DGKB: variants seen among roughly 807,000 people sequenced by gnomAD.
DGKB encodes the protein 90 kDa diacylglycerol kinase.
DGKB carries 67 observed loss-of-function variants against 114.3 expected under a neutral mutation model. That is an observed-to-expected ratio of 0.59 (90% CI 0.48 to 0.72). The LOEUF (loss-of-function observed/expected upper bound fraction) is 0.72, where lower values mean the gene tolerates loss of function less well. Among genes scored for constraint, DGKB ranks in the 30% least tolerant of loss-of-function variants. DGKB has a pLI of 0.00. For missense variants in DGKB, 907 were observed against 975.2 expected (o/e 0.93, Z 0.93); for synonymous variants, 398 against 323.1 (o/e 1.23, Z -2.49).
chr7:14,267,479 C>CT (rs59950485), intron 23 of DGKB, among the ~76,000 whole-genome samples: 19 of 143,656 alleles, frequency 1.3e-4, no homozygotes, highest in South Asian at 2.2e-4. Context: ...TTTTTTTTTT[C>CT]TTTTTTTTTT....
intron 1 of DGKB, among the ~76,000 whole-genome samples, chr7:14,900,828 T>C (rs149304549): frequency 6.6e-6 from 1 of 152,270 alleles, no homozygotes; most frequent in African/African-American, 2.4e-5. Context: ...TTTTGTCAAA[T>C]TTTTATCAGT....
intron 4 of DGKB, among the ~76,000 whole-genome samples, chr7:14,748,840 C>T (rs1833733498): frequency 6.6e-6 from 1 of 152,086 alleles, no homozygotes. Flanking sequence ...TCCTAAAACA[C>T]AAAAATGAAT....
At chr7:14,965,661 G>A (rs1787107329) in intron 1 of DGKB, among the ~76,000 whole-genome samples, 1 of 152,046 alleles carries the variant, frequency 6.6e-6, no homozygotes, top group Non-Finnish European at 1.5e-5. Flanking sequence ...ACACAGAAAT[G>A]AAATAGAACT....
intron 1 of DGKB, among the ~76,000 whole-genome samples, chr7:14,897,102 A>G (rs148248355): frequency 1.4e-3 from 214 of 151,954 alleles, no homozygotes; most frequent in Middle Eastern, 6.8e-3. Context: ...TTGATAACTG[A>G]TTCATGTGGA....
chr7:14,775,810 A>G (rs1336596435), intron 2 of DGKB, among the ~76,000 whole-genome samples: 5 of 152,030 alleles, frequency 3.3e-5, no homozygotes, highest in Admixed American at 2.6e-4. Flanking sequence ...TTCTATTAGT[A>G]GTGTGAGAAT....
chr7:14,292,228 T>C (rs545615938), intron 23 of DGKB, among the ~76,000 whole-genome samples: 1 of 152,254 alleles, frequency 6.6e-6, no homozygotes, highest in Non-Finnish European at 1.5e-5. Flanking sequence ...CATTTACGCG[T>C]TTTCATCTAT....
intron 23 of DGKB, among the ~76,000 whole-genome samples, chr7:14,244,351 A>G (rs38291): frequency 0.81 from 122,910 of 151,962 alleles, 50,343 homozygotes; most frequent in African/African-American, 0.94. Context: ...CCTGATCCTC[A>G]ACGTGATATT....
chr7:14,973,373 G>A (rs897049180), intron 1 of DGKB, among the ~76,000 whole-genome samples: 1 of 151,472 alleles, frequency 6.6e-6, no homozygotes, highest in African/African-American at 2.4e-5. Flanking sequence ...ATACTGTTTA[G>A]TTAAAATTAA....
At chr7:14,383,725 A>G (rs1465915082) in intron 21 of DGKB, among the ~76,000 whole-genome samples, 1 of 152,208 alleles carries the variant, frequency 6.6e-6, no homozygotes, top group Admixed American at 6.5e-5. Context: ...CTCACACAAT[A>G]TTTTTGCATA....
chr7:14,165,864 T>A (rs1386523190), intron 25 of DGKB, among the ~76,000 whole-genome samples: 1 of 152,312 alleles, frequency 6.6e-6, no homozygotes, highest in Admixed American at 6.5e-5. Context: ...GGAGTCTCAT[T>A]GGACTACTGT....
At chr7:14,278,555 G>C (rs1187556182) in intron 23 of DGKB, among the ~76,000 whole-genome samples, 1 of 151,984 alleles carries the variant, frequency 6.6e-6, no homozygotes, top group Non-Finnish European at 1.5e-5. Flanking sequence ...TAAAACATGG[G>C]GAAAATGTTC....
chr7:14,947,185 T>C (rs1461028915), intron 1 of DGKB, among the ~76,000 whole-genome samples: 3 of 151,718 alleles, frequency 2.0e-5, no homozygotes, highest in African/African-American at 4.8e-5. Flanking sequence ...AGTATCTTTA[T>C]AATGTTTCAG....
At chr7:14,929,946 C>A (rs1159334630) in intron 1 of DGKB, among the ~76,000 whole-genome samples, 1 of 152,116 alleles carries the variant, frequency 6.6e-6, no homozygotes, top group African/African-American at 2.4e-5. Flanking sequence ...TTACAGCAAT[C>A]CAATTTTTCC....
intron 6 of DGKB, among the ~76,000 whole-genome samples, chr7:14,707,044 G>A (rs920501237): frequency 4.0e-5 from 6 of 150,178 alleles, no homozygotes; most frequent in Admixed American, 3.3e-4. Flanking sequence ...TTTTTGAAAG[G>A]ATCAACAAAA....
chr7:14,824,137 C>T (rs2128107295), intron 2 of DGKB, among the ~76,000 whole-genome samples: 1 of 151,986 alleles, frequency 6.6e-6, no homozygotes, highest in South Asian at 2.1e-4. Flanking sequence ...CAGGAAAGAC[C>T]CACCCCCCAT....
intron 5 of DGKB, among the ~76,000 whole-genome samples, chr7:14,720,573 G>A (rs2128356603): frequency 6.6e-6 from 1 of 151,550 alleles, no homozygotes; most frequent in African/African-American, 2.4e-5. Flanking sequence ...TCGAATTCCT[G>A]ACCTCATGAT....
rs1011370944 is a variant in DGKB, at chr7:14,537,331, A to C, written c.1770+36881T>G. Among the ~76,000 whole-genome samples the C allele has an allele frequency of 3.9e-5, 6 of 152,170 alleles. No homozygotes were observed. The East Asian group carries it at 1.2e-3, about 29-fold the overall frequency. On this transcript the variant is annotated intron_variant, in intron 20 of 25. Coordinates refer to ENST00000402815, the MANE Select transcript of DGKB (RefSeq NM_001350709.2). Reference sequence around the variant, plus strand: ...ATAGAAAAATAATTCTAAAATTCATACAGAACCACAAAAGACCACAAATAG... The same window carrying C: ...ATAGAAAAATAATTCTAAAATTCATCCAGAACCACAAAAGACCACAAATAG...
chr7:14,589,204 C>T (rs1374535760), intron 17 of DGKB, among the ~76,000 whole-genome samples: 2 of 151,756 alleles, frequency 1.3e-5, no homozygotes, highest in African/African-American at 4.8e-5. Context: ...TTGTTGCTGG[C>T]ATATATAAAC....
At chr7:14,594,447 G>A (rs375761401) in intron 17 of DGKB, among the ~76,000 whole-genome samples, 20 of 152,180 alleles carry the variant, frequency 1.3e-4, no homozygotes, top group Middle Eastern at 6.8e-3. Context: ...AGTTGAAAAT[G>A]AAGGGAAAAA....
Sources: allele counts gnomAD v4.1 joint callset (sites outside exome capture counted in the v4.1 genomes callset), GRCh38; gene constraint gnomAD v4.1.1; transcripts MANE v1.5; gene names NCBI Gene and HGNC (gene_info 2026-07-23, HGNC 2026-07-21).